The following CMSS1 variants were observed in gnomAD, a reference collection of about 807,000 sequenced individuals.
CMSS1 encodes the protein cms1 ribosomal small subunit homolog, also known as protein CMSS1.
In CMSS1, 33 loss-of-function variants were observed where a neutral mutation model predicts 43.5. The observed-to-expected ratio is 0.76, with a 90% CI of 0.57 to 1.01. The LOEUF (loss-of-function observed/expected upper bound fraction) is 1.01, where lower values mean the gene tolerates loss of function less well. Among genes scored for constraint, CMSS1 ranks in the 50% least tolerant of loss-of-function variants. The pLI is 0.00. For synonymous variants in CMSS1, 115 were observed against 117.2 expected (o/e 0.98, Z 0.12); for missense variants, 313 against 326.4 (o/e 0.96, Z 0.32).
intron 1 of CMSS1, among the ~76,000 whole-genome samples, chr3:99,921,952 C>A (rs1052156470): frequency 6.6e-6 from 1 of 152,186 alleles, no homozygotes; most frequent in Non-Finnish European, 1.5e-5. Context: ...TGCCTCCCAA[C>A]ATTCCAGTAT....
At chr3:99,962,362 T>A (rs1309311097) in intron 1 of CMSS1, among the ~76,000 whole-genome samples, 1 of 152,174 alleles carries the variant, frequency 6.6e-6, no homozygotes, top group Non-Finnish European at 1.5e-5. Flanking sequence ...ATTGTTCTCT[T>A]GGGAACATAA....
intron 1 of CMSS1, among the ~76,000 whole-genome samples, chr3:99,987,230 TA>T (rs1709367619): frequency 9.3e-6 from 1 of 107,228 alleles, no homozygotes; most frequent in African/African-American, 3.7e-5. Flanking sequence ...CCCTGTCTCT[TA>T]AGGGGAAAAA....
intron 1 of CMSS1, among the ~76,000 whole-genome samples, chr3:99,938,073 G>A (rs891009278): frequency 2.7e-3 from 130 of 47,756 alleles, no homozygotes; most frequent in African/African-American, 9.4e-3. Flanking sequence ...GTGTGTGTGT[G>A]TGCGCGCGCG....
intron 1 of CMSS1, among the ~76,000 whole-genome samples, chr3:99,935,321 C>G (rs1160592994): frequency 6.6e-6 from 1 of 150,858 alleles, no homozygotes; most frequent in Non-Finnish European, 1.5e-5. Context: ...ATACTTTACT[C>G]TTCATGAAGT....
At chr3:99,872,588 A>G (rs1426760987) in intron 1 of CMSS1, among the ~76,000 whole-genome samples, 1 of 151,906 alleles carries the variant, frequency 6.6e-6, no homozygotes, top group Admixed American at 6.6e-5. Context: ...CCCCACAAAC[A>G]CATCATTCCC....
Position 99,849,924 on chromosome 3 carries a change from T to A in CMSS1, c.64+31881T>A, listed in dbSNP as rs770770044. ...GAAGCCTATTTTTCAACATATTAAC[T>A]CTTGACAGGAGATCATTTCCTTTCT... On this transcript the variant is annotated intron_variant, in intron 1 of 9. Coordinates refer to ENST00000421999, the MANE Select transcript of CMSS1 (RefSeq NM_032359.4). 2.9e-5 allele frequency: 46 copies of A among 1,612,338 alleles called. No homozygotes were observed. Among genetic ancestry groups the A allele is most frequent in the Non-Finnish European group, 3.6e-5 (43 of 1,179,682 alleles).
At chr3:99,930,812 T>C (rs1253524010) in intron 1 of CMSS1, 5 of 1,612,842 alleles carry the variant, frequency 3.1e-6, no homozygotes, top group Non-Finnish European at 2.5e-6. Context: ...TAACAGGTCA[T>C]CTCTTGAGAG....
At chr3:99,947,915 T>C (rs572998783) in intron 1 of CMSS1, among the ~76,000 whole-genome samples, 2 of 152,344 alleles carry the variant, frequency 1.3e-5, no homozygotes, top group African/African-American at 4.8e-5. Flanking sequence ...GAAGCTGTTA[T>C]TATATTTACA....
rs565435102 is a variant in CMSS1 at position 99,957,322 on chromosome 3, A to G, written c.64+139279A>G. 1.9e-4 allele frequency among the ~76,000 whole-genome samples: 29 copies of G among 152,228 alleles called. 1 individual carries two copies. Among genetic ancestry groups the G allele is most frequent in the Non-Finnish European group, 2.6e-4 (18 of 68,022 alleles). On this transcript the variant is annotated intron_variant, in intron 1 of 9. Transcript: ENST00000421999. ...ATTCTGATTTCCACATATTCTAAGC[A>G]TTAACAGAAAGTATTTAGTTGAAGA... is the stretch of plus-strand genomic sequence containing the variant.
chr3:100,140,994 G>A (rs938986737), intron 1 of CMSS1, among the ~76,000 whole-genome samples: 70 of 152,098 alleles, frequency 4.6e-4, no homozygotes, highest in African/African-American at 1.4e-3. Flanking sequence ...CAGGAGAGAC[G>A]TTCCATTTCA....
chr3:100,139,842 A>G (rs1042436174), intron 1 of CMSS1, among the ~76,000 whole-genome samples: 1 of 151,324 alleles, frequency 6.6e-6, no homozygotes, highest in African/African-American at 2.4e-5. Context: ...CTATAAATAA[A>G]GTTCATCAGA....
At chr3:99,992,462 GTCT>G in intron 1 of CMSS1, among the ~76,000 whole-genome samples, 1 of 152,074 alleles carries the variant, frequency 6.6e-6, no homozygotes, top group South Asian at 2.1e-4. Flanking sequence ...CTGCTTGTAT[GTCT>G]TCTTTTGAAA....
At chr3:99,878,297 A>G (rs924644886) in intron 1 of CMSS1, among the ~76,000 whole-genome samples, 1 of 152,256 alleles carries the variant, frequency 6.6e-6, no homozygotes, top group Non-Finnish European at 1.5e-5. Flanking sequence ...GTGCTCTACA[A>G]GCATTTCATC....
At chr3:99,901,392 G>A (rs1706431197) in intron 1 of CMSS1, among the ~76,000 whole-genome samples, 1 of 152,144 alleles carries the variant, frequency 6.6e-6, no homozygotes, top group Non-Finnish European at 1.5e-5. Flanking sequence ...AGTGACAAGC[G>A]ATGACTCATT....
At chr3:99,862,022 A>G (rs1286683519) in intron 1 of CMSS1, among the ~76,000 whole-genome samples, 1 of 152,224 alleles carries the variant, frequency 6.6e-6, no homozygotes, top group Non-Finnish European at 1.5e-5. Context: ...GCCTGGCACA[A>G]TACATGTCCG....
chr3:99,881,113 G>C (rs1043899843), intron 1 of CMSS1, among the ~76,000 whole-genome samples: 1 of 152,082 alleles, frequency 6.6e-6, no homozygotes, highest in Non-Finnish European at 1.5e-5. Context: ...TCATCTGTTG[G>C]TAAGAGACTT....
chr3:100,092,100 CTG>C (rs1425801374), intron 1 of CMSS1, among the ~76,000 whole-genome samples: 1 of 152,112 alleles, frequency 6.6e-6, no homozygotes, highest in African/African-American at 2.4e-5. Flanking sequence ...AAAATGTACT[CTG>C]TAAAGAATTT....
intron 1 of CMSS1, among the ~76,000 whole-genome samples, chr3:100,089,533 A>T (rs1255010539): frequency 6.6e-6 from 1 of 152,216 alleles, no homozygotes; most frequent in Non-Finnish European, 1.5e-5. Context: ...TCAAAGCCTC[A>T]TGTCAAGCAA....
At chr3:100,062,745 G>A (rs1483267045) in intron 1 of CMSS1, among the ~76,000 whole-genome samples, 4 of 152,200 alleles carry the variant, frequency 2.6e-5, no homozygotes, top group African/African-American at 9.7e-5. Flanking sequence ...TCCTGGCTGA[G>A]ATGTCGTTGT....
Sources: allele counts gnomAD v4.1 joint callset (sites outside exome capture counted in the v4.1 genomes callset), GRCh38; gene constraint gnomAD v4.1.1; transcripts MANE v1.5; gene names NCBI Gene and HGNC (gene_info 2026-07-23, HGNC 2026-07-21).